The following MICALL2 variants were observed in gnomAD, a reference collection of about 807,000 sequenced individuals.
The protein encoded by MICALL2 is MICAL-like protein 2.
MICALL2 carries 111 observed loss-of-function variants against 91.1 expected under a neutral mutation model. That is an observed-to-expected ratio of 1.22 (90% CI 1.04 to 1.43). The LOEUF (loss-of-function observed/expected upper bound fraction) is 1.43. Ranked by LOEUF, MICALL2 falls within the 40% of genes most tolerant of loss-of-function variation. MICALL2 has a pLI of 0.00. For synonymous variants in MICALL2, 694 were observed against 525.3 expected (o/e 1.32, Z -4.39); for missense variants, 1,556 against 1,236.0 (o/e 1.26, Z -3.88).
chr7:1,436,908 C>T (rs771878282), intron 14 of MICALL2, 52 bp from the exon 15 acceptor site: 1 of 1,345,992 alleles, frequency 7.4e-7, no homozygotes, highest in Non-Finnish European at 1.0e-6. Flanking sequence ...CCATGCCCCT[C>T]ACAGGACACA....
intron 5 of MICALL2, among the ~76,000 whole-genome samples, 157 bp from the exon 6 acceptor site, chr7:1,445,585 GCAGGCATTGCGGACTCCTGTGTTC>G (rs1780537594): frequency 6.6e-6 from 1 of 152,230 alleles, no homozygotes; most frequent in Non-Finnish European, 1.5e-5. Flanking sequence ...GCTCCTGAGA[GCAGGCATTGCGGACTCCTGTGTTC>G]CACTCACGAG....
At chr7:1,435,209 T>A in intron 15 of MICALL2, 62 bp from the exon 16 acceptor site, 1 of 1,561,496 alleles carries the variant, frequency 6.4e-7, no homozygotes, top group Admixed American at 1.7e-5. Flanking sequence ...TGGAGGGGCC[T>A]CCGGACAGTC....
At chr7:1,439,046 A>T (rs1475640278) in intron 9 of MICALL2, 51 bp from the exon 10 acceptor site, 4 of 1,440,948 alleles carry the variant, frequency 2.8e-6, no homozygotes, top group Non-Finnish European at 3.8e-6. Context: ...GGCCACTGGG[A>T]GCCTGGGGTC....
At chr7:1,454,007 C>T (rs1006772810) in intron 1 of MICALL2, among the ~76,000 whole-genome samples, 1 of 152,166 alleles carries the variant, frequency 6.6e-6, no homozygotes, top group Non-Finnish European at 1.5e-5. Flanking sequence ...CCCCCACCAC[C>T]CCTCTAACTG....
At chr7:1,437,827 T>C in intron 13 of MICALL2, 63 bp downstream of exon 13, 1 of 1,462,298 alleles carries the variant, frequency 6.8e-7, no homozygotes, top group East Asian at 2.5e-5. Flanking sequence ...GTCCCCCGCC[T>C]GGCCTGCCCA....
intron 13 of MICALL2, 133 bp downstream of exon 13, chr7:1,437,757 C>T (rs967449422): frequency 8.9e-5 from 108 of 1,216,050 alleles, no homozygotes; most frequent in Middle Eastern, 2.7e-4. Flanking sequence ...CCACCCAGAC[C>T]GCAACGAGGT....
intron 14 of MICALL2, 75 bp downstream of exon 14, chr7:1,437,458 CAG>C (rs1780028284): frequency 1.5e-6 from 2 of 1,344,336 alleles, no homozygotes; most frequent in Non-Finnish European, 2.0e-6. Context: ...GGTGGCCTCA[CAG>C]AGCCGGCCCC....
chr7:1,447,023 G>GT (rs1780630199), intron 4 of MICALL2, among the ~76,000 whole-genome samples, 195 bp from the exon 5 acceptor site: 1 of 152,158 alleles, frequency 6.6e-6, no homozygotes, highest in Non-Finnish European at 1.5e-5. Context: ...CCAGCCCTGG[G>GT]GAGAGAGCTG....
intron 1 of MICALL2, among the ~76,000 whole-genome samples, chr7:1,454,456 G>C (rs1338991089): frequency 6.6e-6 from 1 of 152,042 alleles, no homozygotes; most frequent in Non-Finnish European, 1.5e-5. Flanking sequence ...AGGAGAGGAG[G>C]GGGTGGGCAG....
intron 1 of MICALL2, among the ~76,000 whole-genome samples, chr7:1,455,048 C>T (rs1031428177): frequency 6.6e-6 from 1 of 152,222 alleles, no homozygotes; most frequent in African/African-American, 2.4e-5. Context: ...ATGCCCCCAG[C>T]CACGAACCCC....
rs1368948267 is a variant in MICALL2, at chr7:1,442,428, T to C, written c.1475A>G (p.Gln492Arg). 6.4e-7 allele frequency: 1 copy of C among 1,568,082 alleles called. No homozygotes were observed. The highest frequency in any genetic ancestry group is 8.7e-7 in the Non-Finnish European group (1 of 1,155,586). ...PSSQPKTEAP[Q>R]ASPLAKPLQS... ...TAACGGCTTGGCTAAGGGACTTGCTTGTGGTGCTTCAGTTTTGGGCTGAGA... is the reference window on the plus strand; with the variant it reads ...TAACGGCTTGGCTAAGGGACTTGCTCGTGGTGCTTCAGTTTTGGGCTGAGA... Residue 492 changes from glutamine to arginine, a missense_variant, in exon 7 of 17, where the codon CAA (glutamine) becomes CGA (arginine). Gln to Arg is a conservative substitution (Grantham distance 43). Coordinates refer to ENST00000297508, the MANE Select transcript of MICALL2 (RefSeq NM_182924.4).
In MICALL2 at chr7:1,444,754, G is replaced by A. The variant is rs765915317; in HGVS notation, c.1316C>T (p.Pro439Leu). 95 of 1,612,298 alleles carry A rather than the reference G, an allele frequency of 5.9e-5. No individual in the cohort carries two copies. Among genetic ancestry groups the A allele is most frequent in the South Asian group, 1.8e-4 (16 of 91,064 alleles). The change falls in exon 6 of 17, where the codon CCG becomes CTG. Residue 439 changes from proline to leucine, a missense_variant. Physicochemically the swap from Pro to Leu is moderately conservative, Grantham distance 98. Transcript: ENST00000297508. ...GTSLSGRGPTPSLVLSKDSSK... is the reference protein window; with the variant it reads ...GTSLSGRGPTLSLVLSKDSSK... ...GCTGTCCTTGGATAGAACAAGTGAC[G>A]GGGTGGGACCTCTGCCAGAAAGGCT...
chr7:1,441,115 A>C (rs1584207779), intron 7 of MICALL2: 17 of 176,766 alleles, frequency 9.6e-5, no homozygotes, highest in East Asian at 4.4e-4. Context: ...ATCTGGAAAA[A>C]CCCTTTGCAG....
chr7:1,456,367 C>T (rs1038325696), intron 1 of MICALL2, among the ~76,000 whole-genome samples: 2 of 152,168 alleles, frequency 1.3e-5, no homozygotes, highest in African/African-American at 2.4e-5. Flanking sequence ...AGATGGATCA[C>T]TTGAGGTCAG....
chr7:1,442,341 C>T lies in MICALL2; in HGVS notation c.1562G>A (p.Ser521Asn), dbSNP rs777790052. Residue 521 changes from serine (S) to asparagine (N), a missense_variant, in exon 7 of 17, where the codon AGC (serine) becomes AAC (asparagine). Physicochemically the swap from Ser to Asn is conservative, Grantham distance 46. Transcript: ENST00000297508. ...PSRMEPPAPL[S>N]TSSTSQASAL... ...GGATGCCTGAGAGGTACTGCTCGTG[C>T]TCAGCGGGGCTGGCGGTTCCATCCT... 16 of 1,612,820 alleles carry T rather than the reference C, an allele frequency of 9.9e-6. No homozygotes were observed. The African/African-American group carries it at 2.1e-4, about 22-fold the overall frequency.
intron 6 of MICALL2, among the ~76,000 whole-genome samples, chr7:1,443,531 T>C (rs1460563238): frequency 6.6e-6 from 1 of 152,184 alleles, no homozygotes; most frequent in Non-Finnish European, 1.5e-5. Context: ...TGTGACCTTA[T>C]CTGTAAACCA....
At chr7:1,435,859 G>A (rs983698828) in intron 15 of MICALL2, among the ~76,000 whole-genome samples, 58 of 151,874 alleles carry the variant, frequency 3.8e-4, no homozygotes, top group African/African-American at 1.4e-3. Flanking sequence ...AGACCATCCT[G>A]GCTAACATGG....
At chr7:1,447,242 G>C (rs1166067045) in intron 4 of MICALL2, among the ~76,000 whole-genome samples, 2 of 152,188 alleles carry the variant, frequency 1.3e-5, no homozygotes, top group African/African-American at 4.8e-5. Flanking sequence ...GGGGGTGCCT[G>C]GGTTCACTCT....
intron 9 of MICALL2, chr7:1,439,714 G>A (rs939132374): frequency 2.3e-6 from 1 of 438,376 alleles, no homozygotes; most frequent in Non-Finnish European, 4.0e-6. Context: ...ATGGATACAG[G>A]CATCACATAC....
Sources: allele counts gnomAD v4.1 joint callset (sites outside exome capture counted in the v4.1 genomes callset), GRCh38; gene constraint gnomAD v4.1.1; transcripts MANE v1.5; gene names NCBI Gene and HGNC (gene_info 2026-07-23, HGNC 2026-07-21).